The following CEACAM16 variants were observed in gnomAD, a reference collection of about 807,000 sequenced individuals.
CEACAM16 encodes the protein cell adhesion molecule CEACAM16.
Under a neutral mutation model 39.4 loss-of-function variants are expected in CEACAM16, and 30 were observed. The observed-to-expected ratio is 0.76, with a 90% CI of 0.57 to 1.03. The LOEUF is 1.03. CEACAM16 is among the 50% of genes least tolerant of loss of function. The pLI is 0.00. For missense variants in CEACAM16, 521 were observed against 585.3 expected, an observed-to-expected ratio of 0.89 and a Z score of 1.13; for synonymous variants, 262 against 264.9, an observed-to-expected ratio of 0.99 and a Z score of 0.11.
At position 44,708,177 on chromosome 19, in the gene CEACAM16, G is replaced by A. The variant is rs1191880588; in HGVS notation, c.1257G>A (p.Leu419=). ...QGKTETLEVE[L]QVAPLG is the part of the protein sequence containing the mutation. ...AGACTGAGACACTGGAAGTGGAGCT[G>A]CAGGTGGCCCGTGAGTGTGTGGGAA... The change falls in exon 6 of 7, where the codon CTG becomes CTA. Residue 419 remains leucine (L), a synonymous_variant. Coordinates refer to ENST00000587331, the MANE Select transcript of CEACAM16 (RefSeq NM_001039213.4). 1 of 1,571,972 alleles carries A rather than the reference G, an allele frequency of 6.4e-7. No individual in the cohort carries two copies. Among genetic ancestry groups the A allele is most frequent in the Non-Finnish European group, 8.7e-7 (1 of 1,151,562 alleles).
rs769083688 is a variant in CEACAM16, at chr19:44,703,403, C to T, written c.92C>T (p.Pro31Leu). 114 of 1,613,658 alleles carry T rather than the reference C, an allele frequency of 7.1e-5. No individual in the cohort carries two copies. The highest frequency in any genetic ancestry group is 3.3e-4 in the Middle Eastern group (2 of 6,070). The change falls in exon 3 of 7, where the codon CCG becomes CTG. Residue 31 changes from proline (P) to leucine (L), a missense_variant. Coordinates refer to ENST00000587331, the MANE Select transcript of CEACAM16 (RefSeq NM_001039213.4). ...EISITLEPAQPSEGDNVTLVV... is the reference protein window; with the variant it reads ...EISITLEPAQLSEGDNVTLVV... ...TCTATCACCCTGGAGCCTGCCCAGCCGAGCGAAGGGGACAACGTCACGCTG... is the reference window on the plus strand; with the variant it reads ...TCTATCACCCTGGAGCCTGCCCAGCTGAGCGAAGGGGACAACGTCACGCTG...
chr19:44,705,506 G>T, intron 4 of CEACAM16, 84 bp from the exon 5 acceptor site: 1 of 1,418,582 alleles, frequency 7.0e-7, no homozygotes, highest in Non-Finnish European at 9.5e-7. Context: ...CAGGGACCTA[G>T]CTTGGTGGAG....
In CEACAM16 at chr19:44,707,975, G is replaced by A. The variant is rs781099923; in HGVS notation, c.1055G>A (p.Arg352His). ...PKDLLVYAWYRGPASEPNRLL... is the reference protein window; with the variant it reads ...PKDLLVYAWYHGPASEPNRLL... ...GACCTGCTGGTCTACGCCTGGTACCGCGGGCCTGCCTCCGAGCCCAACCGG... is the reference window on the plus strand; with the variant it reads ...GACCTGCTGGTCTACGCCTGGTACCACGGGCCTGCCTCCGAGCCCAACCGG... The change falls in exon 6 of 7, where the codon CGC (arginine) becomes CAC (histidine). Residue 352 changes from arginine (R) to histidine (H), a missense_variant. Coordinates refer to ENST00000587331, the MANE Select transcript of CEACAM16 (RefSeq NM_001039213.4). 21 of 1,603,808 alleles carry A rather than the reference G, an allele frequency of 1.3e-5. No homozygotes were observed. The highest frequency in any genetic ancestry group is 1.7e-5 in the Non-Finnish European group (20 of 1,175,802).
Position 44,701,288 on chromosome 19 carries a change from C to A in CEACAM16, c.-96-73C>A. The stretch of plus-strand genomic sequence containing the variant: ...CCCACCCTGGTACCCAAACCGGGCC[C>A]CAGATCCTTGGTGACTCGATCCCTC... On this transcript the variant is annotated intron_variant, in intron 1 of 6. Transcript: ENST00000587331. The surrounding 1 kb of genome is among the most constrained non-coding windows in gnomAD (Gnocchi z 4.0). The A allele has an allele frequency of 1.3e-6, 1 of 788,918 alleles. No homozygotes were observed. The allele number at this position is 788,918 out of a possible 1,614,324, so 48.9% of individuals were successfully genotyped here.
chr19:44,706,165 G>C (rs901233929), intron 5 of CEACAM16, among the ~76,000 whole-genome samples: 1 of 151,976 alleles, frequency 6.6e-6, no homozygotes, highest in Admixed American at 6.6e-5. Context: ...GTCACCAGCT[G>C]TTTAGGGCCT....
At chr19:44,709,537 G>A (rs1474561109) in intron 6 of CEACAM16, among the ~76,000 whole-genome samples, 1 of 131,030 alleles carries the variant, frequency 7.6e-6, no homozygotes, top group Non-Finnish European at 1.6e-5. Flanking sequence ...CCATCAGACC[G>A]GGAGCTCCCA....
rs753583731 is a variant in CEACAM16, at chr19:44,705,729, C to CG, written c.804dup (p.Gln269AlafsTer145). The CG allele has an allele frequency of 5.6e-6, 9 of 1,613,914 alleles. No homozygotes were observed. The highest frequency in any genetic ancestry group is 7.6e-6 in the Non-Finnish European group (9 of 1,179,900). On this transcript the variant is annotated frameshift_variant, in exon 5 of 7. Coordinates refer to ENST00000587331, the MANE Select transcript of CEACAM16 (RefSeq NM_001039213.4). LOFTEE classifies it high-confidence loss of function. Reference sequence around the variant, plus strand: ...AGCCCGAGTATGTGTGGACCTTCAACGGGCAGGCCCTAAAGAACGGCCAAG... The same window carrying CG: ...AGCCCGAGTATGTGTGGACCTTCAACGGGGCAGGCCCTAAAGAACGGCCAAG...
chr19:44,702,623 G>A (rs1205091828), intron 2 of CEACAM16, among the ~76,000 whole-genome samples: 1 of 152,282 alleles, frequency 6.6e-6, no homozygotes, highest in African/African-American at 2.4e-5. Context: ...TGGTTGAGAA[G>A]GAAAGGGGTG....
intron 2 of CEACAM16, among the ~76,000 whole-genome samples, chr19:44,702,742 G>T (rs566554991): frequency 3.1e-4 from 47 of 152,380 alleles, no homozygotes; most frequent in Middle Eastern, 3.4e-3. Flanking sequence ...GACATCCTAC[G>T]TGGGGCCATA....
At chr19:44,702,514 G>T (rs569256414) in intron 2 of CEACAM16, among the ~76,000 whole-genome samples, 14 of 152,258 alleles carry the variant, frequency 9.2e-5, no homozygotes, top group Non-Finnish European at 1.8e-4. Flanking sequence ...TCCTTTTGAC[G>T]TGAGCACTGT....
Position 44,710,478 on chromosome 19 carries a change from G to T in CEACAM16, c.1268-18G>T, listed in dbSNP as rs761936990. On this transcript the variant is annotated intron_variant, in intron 6 of 6. Transcript: ENST00000587331. ...CTCTGACATCCTCCTTCGCCCCCTC[G>T]CCCCATATGCCCCACAGCCCTGGGG... is the stretch of plus-strand genomic sequence containing the variant. 1 of 1,610,378 alleles carries T rather than the reference G, an allele frequency of 6.2e-7. No homozygotes were observed. Among genetic ancestry groups the T allele is most frequent in the Non-Finnish European group, 8.5e-7 (1 of 1,177,622 alleles).
intron 5 of CEACAM16, among the ~76,000 whole-genome samples, chr19:44,707,498 C>G (rs1974467357): frequency 6.6e-6 from 1 of 151,994 alleles, no homozygotes; most frequent in Non-Finnish European, 1.5e-5. Context: ...ATGGGGAAGA[C>G]ATGGTCCCCA....
intron 1 of CEACAM16, among the ~76,000 whole-genome samples, chr19:44,700,926 A>G (rs907124415): frequency 3.9e-5 from 6 of 151,972 alleles, no homozygotes; most frequent in African/African-American, 1.5e-4. Context: ...GCTCATCTCC[A>G]TCTGCAAAGG....
Position 44,710,510 on chromosome 19 carries a change from CG to C in CEACAM16, c.*5del, listed in dbSNP as rs781675289. 3 of 1,613,734 alleles carry C rather than the reference CG, an allele frequency of 1.9e-6. No homozygotes were observed. The East Asian group carries it at 6.7e-5, about 36-fold the overall frequency. On this transcript the variant is annotated 3_prime_UTR_variant, in exon 7 of 7. Transcript: ENST00000587331. ...ATGCCCCACAGCCCTGGGGTAACAGCGTGACCCTGGAGACGTCCAGAGAGAA... is the reference window on the plus strand; with the variant it reads ...ATGCCCCACAGCCCTGGGGTAACAGCTGACCCTGGAGACGTCCAGAGAGAA...
In CEACAM16 at chr19:44,701,539, C is replaced by T. The variant is rs746187401; in HGVS notation, c.37+46C>T. The T allele has an allele frequency of 1.3e-6, 2 of 1,541,830 alleles. No individual in the cohort carries two copies. Among genetic ancestry groups the T allele is most frequent in the African/African-American group, 1.4e-5 (1 of 72,910 alleles). On this transcript the variant is annotated intron_variant, in intron 2 of 6. Transcript: ENST00000587331. This position sits in a 1 kb window ranked among gnomAD's most constrained non-coding sequence, Gnocchi z 4.0. Reference sequence around the variant, plus strand: ...CCAGCACCTCAGCCCCCCGAGGACCCCAGGGAGGGGAGGGGACCCCCAGTC... The same window carrying T: ...CCAGCACCTCAGCCCCCCGAGGACCTCAGGGAGGGGAGGGGACCCCCAGTC...
chr19:44,710,673 G>A lies in CEACAM16; in HGVS notation c.*167G>A. 1.1e-6 allele frequency: 1 copy of A among 924,610 alleles called. No homozygotes were observed. Among genetic ancestry groups the A allele is most frequent in the African/African-American group, 1.6e-5 (1 of 60,962 alleles). The allele number at this position is 924,610 out of a possible 1,614,324, so 57.3% of individuals were successfully genotyped here. On this transcript the variant is annotated 3_prime_UTR_variant, in exon 7 of 7. Transcript: ENST00000587331. Reference sequence around the variant, plus strand: ...AGCCACAGGGCCCCACTCCCTCGCTGAGCTGTTGGGGAGCCACCGAGGCCA... The same window carrying A: ...AGCCACAGGGCCCCACTCCCTCGCTAAGCTGTTGGGGAGCCACCGAGGCCA...
In CEACAM16 at chr19:44,708,086, T is replaced by C. The variant is rs773230626; in HGVS notation, c.1166T>C (p.Leu389Ser). The change falls in exon 6 of 7, where the codon TTG becomes TCG. Residue 389 changes from leucine (L) to serine (S), a missense_variant. Leu to Ser is a moderately radical substitution (Grantham distance 145, BLOSUM62 -2). Transcript: ENST00000587331. Reference sequence around the variant, plus strand: ...GTGGGCTTCCCCAACTGCTCGCTGTTGGTGCAGAAGCTGAACCTCACAGAC... The same window carrying C: ...GTGGGCTTCCCCAACTGCTCGCTGTCGGTGCAGAAGCTGAACCTCACAGAC... Reference protein sequence around the residue: ...REVGFPNCSLLVQKLNLTDTG... With the variant: ...REVGFPNCSLSVQKLNLTDTG... The C allele has an allele frequency of 1.9e-5, 31 of 1,612,034 alleles. No homozygotes were observed. Among genetic ancestry groups the C allele is most frequent in the African/African-American group, 4.0e-5 (3 of 74,890 alleles).
intron 1 of CEACAM16, among the ~76,000 whole-genome samples, chr19:44,700,733 C>T (rs1266904935): frequency 6.6e-6 from 1 of 152,182 alleles, no homozygotes; most frequent in African/African-American, 2.4e-5. Flanking sequence ...AAAACAAGGC[C>T]TCCGAAGTGG....
rs1382852009 is a variant in CEACAM16 at position 44,701,430 on chromosome 19, T to TGGGA, written c.-27_-26insGGGA. The TGGGA allele has an allele frequency of 6.4e-7, 1 of 1,557,914 alleles. No individual in the cohort carries two copies. Among genetic ancestry groups the TGGGA allele is most frequent in the Non-Finnish European group, 8.7e-7 (1 of 1,150,294 alleles). On this transcript the variant is annotated 5_prime_UTR_variant, in exon 2 of 7. In the 5' UTR this introduces an upstream ATG that the reference lacks. Coordinates refer to ENST00000587331, the MANE Select transcript of CEACAM16 (RefSeq NM_001039213.4). This position sits in a 1 kb window ranked among gnomAD's most constrained non-coding sequence, Gnocchi z 4.0. ...GAGCACTGGGACTTCAACGCCACCA[T>TGGGA]CTCCAAGACTCGGTTTGGGGTGAAA...
Sources: allele counts gnomAD v4.1 joint callset (sites outside exome capture counted in the v4.1 genomes callset), GRCh38; gene constraint gnomAD v4.1.1; non-coding constraint Gnocchi (gnomAD v3.1); transcripts MANE v1.5; gene names NCBI Gene and HGNC (gene_info 2026-07-23, HGNC 2026-07-21).